ANO2: variants seen among roughly 807,000 people sequenced by gnomAD.
ANO2 encodes the protein anoctamin-2.
A neutral mutation model predicts 124.2 loss-of-function variants in ANO2; 101 were observed. The ratio of observed to expected loss-of-function variants is 0.81; its 90% confidence interval spans 0.69 to 0.96. The LOEUF (loss-of-function observed/expected upper bound fraction) is 0.96, where lower values mean the gene tolerates loss of function less well. ANO2 is among the 40% of genes least tolerant of loss of function. The probability of loss-of-function intolerance (pLI) is 0.00; values close to 1 mark genes in which losing one functional copy is unlikely to be tolerated. For missense variants in ANO2, 1,293 were observed against 1,274.5 expected (o/e 1.01, Z -0.22); for synonymous variants, 486 against 482.5 (o/e 1.01, Z -0.09).
chr12:5,908,010 C>T lies in ANO2; in HGVS notation c.534+13030G>A, dbSNP rs144947260. 2.6e-5 allele frequency among the ~76,000 whole-genome samples: 4 copies of T among 152,378 alleles called. No individual in the cohort carries two copies. Among genetic ancestry groups the T allele is most frequent in the East Asian group, 1.9e-4 (1 of 5,188 alleles). On this transcript the variant is annotated intron_variant, in intron 3 of 24. Coordinates refer to ENST00000682330, the MANE Select transcript of ANO2 (RefSeq NM_001364791.2). This position sits in a 1 kb window ranked among gnomAD's most constrained non-coding sequence, Gnocchi z 4.7. ...GCAACCTCCCCAACTCCACAATGCA[C>T]CGTGAGAGCAGTACATAGCAACACA...
In ANO2 at chr12:5,650,706, A is replaced by T. The variant is rs367928273; in HGVS notation, c.1546-2905T>A. 1.4e-4 allele frequency among the ~76,000 whole-genome samples: 21 copies of T among 152,348 alleles called. No homozygotes were observed. In the East Asian group the frequency reaches 3.1e-3, roughly 22 times the overall value. On this transcript the variant is annotated intron_variant, in intron 14 of 24. Coordinates refer to ENST00000682330, the MANE Select transcript of ANO2 (RefSeq NM_001364791.2). ...TGCTTAAAAATCCTATAGCCAGCAT[A>T]TAAGACAGTACAAAGAGAAGTAGGC...
chr12:5,753,414 A>T (rs1481870819), intron 10 of ANO2, among the ~76,000 whole-genome samples: 2 of 152,156 alleles, frequency 1.3e-5, no homozygotes, highest in African/African-American at 2.4e-5. Flanking sequence ...TTAGCCTTTT[A>T]TCTGTAGCTG....
chr12:5,618,172 C>T (rs1038225052), intron 16 of ANO2, among the ~76,000 whole-genome samples: 8 of 152,190 alleles, frequency 5.3e-5, no homozygotes, highest in African/African-American at 1.9e-4. Flanking sequence ...AACAGGAGCC[C>T]CTCCCTGCCT....
chr12:5,863,606 G>C (rs555879057), intron 3 of ANO2, among the ~76,000 whole-genome samples: 1 of 152,308 alleles, frequency 6.6e-6, no homozygotes, highest in African/African-American at 2.4e-5. Context: ...GGGGGTGGTA[G>C]ATATGTTCAT....
intron 10 of ANO2, among the ~76,000 whole-genome samples, chr12:5,776,160 C>T (rs569057112): frequency 1.3e-5 from 2 of 152,352 alleles, no homozygotes; most frequent in African/African-American, 4.8e-5. Context: ...GGACCTACTT[C>T]TGATGCATGG....
intron 20 of ANO2, among the ~76,000 whole-genome samples, chr12:5,583,463 C>T (rs1191649775): frequency 6.6e-6 from 1 of 151,834 alleles, no homozygotes; most frequent in South Asian, 2.1e-4. Context: ...ACCATCTTGG[C>T]TAACACGGTG....
At chr12:5,939,507 G>T (rs1220236510) in intron 1 of ANO2, among the ~76,000 whole-genome samples, 1 of 152,176 alleles carries the variant, frequency 6.6e-6, no homozygotes, top group African/African-American at 2.4e-5. Flanking sequence ...TGTGAGGTGG[G>T]TTAAATCTGT....
At chr12:5,688,311 G>A (rs1948787351) in intron 14 of ANO2, among the ~76,000 whole-genome samples, 1 of 152,186 alleles carries the variant, frequency 6.6e-6, no homozygotes, top group Non-Finnish European at 1.5e-5. Flanking sequence ...GAGAACGGGA[G>A]GCAAAGGCTG....
chr12:5,617,881 G>A (rs998162790), intron 16 of ANO2, among the ~76,000 whole-genome samples: 6 of 152,072 alleles, frequency 3.9e-5, no homozygotes, highest in Admixed American at 3.9e-4. Context: ...CCACACCCAC[G>A]CCCTTTGAAA....
intron 14 of ANO2, among the ~76,000 whole-genome samples, chr12:5,717,575 T>G (rs1324076529): frequency 6.6e-6 from 1 of 152,206 alleles, no homozygotes; most frequent in African/African-American, 2.4e-5. Flanking sequence ...ATCCTGAGCT[T>G]ACCCTTCCCA....
chr12:5,852,847 A>ATG (rs1565723623), intron 4 of ANO2, among the ~76,000 whole-genome samples: 4 of 48,850 alleles, frequency 8.2e-5, no homozygotes, highest in African/African-American at 1.4e-4. Flanking sequence ...ATGGAAAGGG[A>ATG]CGTGTGTGTG....
At chr12:5,598,208 G>T (rs1943756077) in intron 20 of ANO2, among the ~76,000 whole-genome samples, 1 of 152,150 alleles carries the variant, frequency 6.6e-6, no homozygotes, top group Non-Finnish European at 1.5e-5. Flanking sequence ...CAAGTGACTA[G>T]GTGAAGGGAG....
chr12:5,799,350 C>G (rs1591631625), intron 10 of ANO2, among the ~76,000 whole-genome samples, 157 bp downstream of exon 10: 2 of 152,324 alleles, frequency 1.3e-5, no homozygotes, highest in South Asian at 4.1e-4. Context: ...TCCCCAGCTG[C>G]TTCCCCACCC....
At chr12:5,896,527 A>G (rs1023480316) in intron 3 of ANO2, among the ~76,000 whole-genome samples, 19 of 152,130 alleles carry the variant, frequency 1.2e-4, no homozygotes, top group African/African-American at 3.6e-4. Flanking sequence ...TTTAAGCCCC[A>G]CCTTCTAGAT....
intron 20 of ANO2, among the ~76,000 whole-genome samples, chr12:5,594,120 G>C (rs988636501): frequency 1.3e-5 from 2 of 152,024 alleles, no homozygotes; most frequent in Non-Finnish European, 2.9e-5. Flanking sequence ...AATTCTATGA[G>C]CCAATCCAGC....
intron 10 of ANO2, among the ~76,000 whole-genome samples, chr12:5,754,614 T>C (rs1036343847): frequency 2.0e-5 from 3 of 152,214 alleles, no homozygotes; most frequent in Non-Finnish European, 4.4e-5. Context: ...TGCTTGAATC[T>C]ACTTATTTGT....
At position 5,787,170 on chromosome 12, in the gene ANO2, CCT is replaced by C. The variant is rs1157070621; in HGVS notation, c.1055+12335_1055+12336del. On this transcript the variant is annotated intron_variant, in intron 10 of 24. Coordinates refer to ENST00000682330, the MANE Select transcript of ANO2 (RefSeq NM_001364791.2). The surrounding 1 kb of genome is among the most constrained non-coding windows in gnomAD (Gnocchi z 4.2). ...CAAAGGGCACATAGGAGGAAACCAT[CCT>C]GTTAGACACAAAAAGCACAATCCCA... Among the ~76,000 whole-genome samples, 1 of 152,170 alleles carries C rather than the reference CCT, an allele frequency of 6.6e-6. No homozygotes were observed. Among genetic ancestry groups the C allele is most frequent in the Non-Finnish European group, 1.5e-5 (1 of 68,020 alleles).
intron 19 of ANO2, among the ~76,000 whole-genome samples, chr12:5,603,727 C>T (rs1454899317): frequency 4.0e-5 from 6 of 151,800 alleles, no homozygotes; most frequent in African/African-American, 1.2e-4. Flanking sequence ...GGGCAGATCA[C>T]GAGGTCAGGA....
At chr12:5,600,043 A>G (rs1943857977) in intron 19 of ANO2, among the ~76,000 whole-genome samples, 1 of 152,236 alleles carries the variant, frequency 6.6e-6, no homozygotes, top group South Asian at 2.1e-4. Flanking sequence ...AATAACATTA[A>G]TAGCATCATC....
Sources: gnomAD v4.1 joint callset for allele counts (sites outside exome capture counted in the v4.1 genomes callset) on GRCh38, gnomAD v4.1.1 for gene constraint, Gnocchi (gnomAD v3.1) non-coding constraint, MANE v1.5 for transcripts, NCBI Gene and HGNC (gene_info 2026-07-23, HGNC 2026-07-21) for gene names.